Variants in GLIS1 observed in about 807,000 individuals in gnomAD.
The protein encoded by GLIS1 is GLIS family zinc finger 1.
A neutral mutation model predicts 63.8 loss-of-function variants in GLIS1; 24 were observed. That is an observed-to-expected ratio of 0.38 (90% confidence interval 0.27 to 0.53). The LOEUF (loss-of-function observed/expected upper bound fraction) is 0.53, where lower values mean the gene tolerates loss of function less well. Among genes scored for constraint, GLIS1 ranks in the 20% least tolerant of loss-of-function variants. GLIS1 has a pLI of 0.85. For synonymous variants in GLIS1, 450 were observed against 482.5 expected (o/e 0.93, Z 0.88); for missense variants, 1,036 against 1,074.1 (o/e 0.96, Z 0.50).
chr1:53,507,589 G>T (rs1307195172), intron 10 of GLIS1, among the ~76,000 whole-genome samples: 1 of 152,258 alleles, frequency 6.6e-6, no homozygotes, highest in Non-Finnish European at 1.5e-5. Flanking sequence ...TACGCAGTGG[G>T]GTTGGGCTGA....
chr1:53,623,545 G>T (rs1344771807), intron 2 of GLIS1, among the ~76,000 whole-genome samples: 3 of 152,028 alleles, frequency 2.0e-5, no homozygotes, highest in Non-Finnish European at 4.4e-5. Flanking sequence ...AGCTAGTGCA[G>T]TTCAGTAAGA....
chr1:53,630,548 T>C (rs534548958), intron 2 of GLIS1, among the ~76,000 whole-genome samples: 1 of 151,440 alleles, frequency 6.6e-6, no homozygotes, highest in Non-Finnish European at 1.5e-5. Flanking sequence ...CAGGCTGGAG[T>C]GCAATGGCAC....
At chr1:53,719,576 C>T (rs1646732852) in intron 2 of GLIS1, among the ~76,000 whole-genome samples, 1 of 152,194 alleles carries the variant, frequency 6.6e-6, no homozygotes, top group Non-Finnish European at 1.5e-5. Flanking sequence ...AATGCCTACA[C>T]TAATACCCCG....
At chr1:53,656,565 G>C (rs758439006) in intron 2 of GLIS1, among the ~76,000 whole-genome samples, 5 of 152,206 alleles carry the variant, frequency 3.3e-5, no homozygotes, top group Non-Finnish European at 7.3e-5. Context: ...TACTAGACAT[G>C]AAGAACACAT....
intron 2 of GLIS1, among the ~76,000 whole-genome samples, chr1:53,679,698 C>T (rs1646254229): frequency 6.6e-6 from 1 of 151,856 alleles, no homozygotes; most frequent in Non-Finnish European, 1.5e-5. Context: ...GGCCCCTTGG[C>T]TGCTCTGAGC....
chr1:53,733,496 C>T (rs1570118544), intron 2 of GLIS1, among the ~76,000 whole-genome samples: 1 of 152,116 alleles, frequency 6.6e-6, no homozygotes, highest in African/African-American at 2.4e-5. Flanking sequence ...TACGATCTCA[C>T]GTGATGGTCC....
chr1:53,553,802 G>C (rs1450929884), intron 4 of GLIS1, among the ~76,000 whole-genome samples: 2 of 152,142 alleles, frequency 1.3e-5, no homozygotes, highest in African/African-American at 4.8e-5. Flanking sequence ...CCATGTAAAG[G>C]CCTTGTGGTG....
chr1:53,581,647 G>A (rs538371699), intron 4 of GLIS1, among the ~76,000 whole-genome samples: 4 of 152,206 alleles, frequency 2.6e-5, no homozygotes, highest in Non-Finnish European at 5.9e-5. Flanking sequence ...GAGGCAGTCA[G>A]GGAAGGCCTC....
chr1:53,525,933 G>A (rs1298015284), intron 5 of GLIS1, among the ~76,000 whole-genome samples: 1 of 152,158 alleles, frequency 6.6e-6, no homozygotes, highest in Non-Finnish European at 1.5e-5. Context: ...CGACTTGTCT[G>A]ATTCATCCTA....
At chr1:53,650,591 A>C (rs1383580780) in intron 2 of GLIS1, among the ~76,000 whole-genome samples, 3 of 45,042 alleles carry the variant, frequency 6.7e-5, no homozygotes, top group African/African-American at 1.1e-4. Context: ...CTTCATCTCA[A>C]AAAAAAAAAA....
At chr1:53,660,669 C>T (rs532106639) in intron 2 of GLIS1, among the ~76,000 whole-genome samples, 1 of 152,146 alleles carries the variant, frequency 6.6e-6, no homozygotes, top group Non-Finnish European at 1.5e-5. Context: ...AGGGAAAAGG[C>T]CAGCCCCTGG....
At chr1:53,708,677 T>C (rs555561959) in intron 2 of GLIS1, among the ~76,000 whole-genome samples, 8 of 152,028 alleles carry the variant, frequency 5.3e-5, no homozygotes, top group Middle Eastern at 6.8e-3. Context: ...TTTCAGCAGG[T>C]CCCCCAGCTT....
At chr1:53,514,508 T>C in intron 8 of GLIS1, 117 bp downstream of exon 8, 1 of 1,015,830 alleles carries the variant, frequency 9.8e-7, no homozygotes, top group Admixed American at 2.3e-5. Flanking sequence ...CCCTGAAGGT[T>C]GGCTATTTTC....
intron 2 of GLIS1, among the ~76,000 whole-genome samples, chr1:53,603,493 C>T (rs976628638): frequency 1.3e-5 from 2 of 152,208 alleles, no homozygotes; most frequent in East Asian, 1.9e-4. Flanking sequence ...TGGAAAGATG[C>T]GGGGACTCTC....
intron 2 of GLIS1, among the ~76,000 whole-genome samples, chr1:53,723,239 C>CT (rs111541690): frequency 8.8e-4 from 125 of 141,414 alleles, no homozygotes; most frequent in South Asian, 2.5e-3. Context: ...TATTTATTTA[C>CT]TTTTTTTTTT....
At chr1:53,666,308 A>C (rs570182505) in intron 2 of GLIS1, among the ~76,000 whole-genome samples, 11 of 152,322 alleles carry the variant, frequency 7.2e-5, no homozygotes, top group African/African-American at 2.6e-4. Flanking sequence ...TAACCTGCAG[A>C]TAAGGAAAAC....
At chr1:53,582,117 G>A (rs1369584387) in intron 4 of GLIS1, among the ~76,000 whole-genome samples, 1 of 152,174 alleles carries the variant, frequency 6.6e-6, no homozygotes, top group Non-Finnish European at 1.5e-5. Flanking sequence ...GGAGACCTAG[G>A]AGGGCTTCCA....
intron 2 of GLIS1, among the ~76,000 whole-genome samples, chr1:53,728,334 T>G (rs887527516): frequency 3.3e-5 from 5 of 152,184 alleles, no homozygotes; most frequent in African/African-American, 1.2e-4. Flanking sequence ...ACAATAATAA[T>G]TATTATAATC....
At chr1:53,637,257 A>T (rs1255641225) in intron 2 of GLIS1, among the ~76,000 whole-genome samples, 1 of 152,194 alleles carries the variant, frequency 6.6e-6, no homozygotes, top group Non-Finnish European at 1.5e-5. Flanking sequence ...CCCAGCCACA[A>T]GGTCAGAAGA....
Sources: allele counts gnomAD v4.1 joint callset (sites outside exome capture counted in the v4.1 genomes callset), GRCh38; gene constraint gnomAD v4.1.1; transcripts MANE v1.5; gene names NCBI Gene and HGNC (gene_info 2026-07-23, HGNC 2026-07-21).